LRRC7: variants seen among roughly 807,000 people sequenced by gnomAD.
The protein encoded by LRRC7 is leucine rich repeat containing 7, also known as leucine-rich repeat-containing protein 7.
Under a neutral mutation model 175.7 loss-of-function variants are expected in LRRC7, and 23 were observed. The observed-to-expected ratio is 0.13, with a 90% CI of 0.09 to 0.19. LRRC7 has a LOEUF of 0.19. Ranked by LOEUF, LRRC7 falls within the 10% of genes least tolerant of loss-of-function variation. The probability of loss-of-function intolerance (pLI) is 1.00; values close to 1 mark genes in which losing one functional copy is unlikely to be tolerated. For missense variants in LRRC7, 1,354 were observed against 1,904.7 expected, an observed-to-expected ratio of 0.71 and a Z score of 5.38; for synonymous variants, 685 against 680.9, an observed-to-expected ratio of 1.01 and a Z score of -0.09.
chr1:69,866,431 G>T (rs1684955716), intron 7 of LRRC7, among the ~76,000 whole-genome samples: 1 of 152,014 alleles, frequency 6.6e-6, no homozygotes, highest in Non-Finnish European at 1.5e-5. Flanking sequence ...GTGATGAAAG[G>T]GTATATCGTT....
chr1:69,679,487 G>A (rs539013945), intron 2 of LRRC7, among the ~76,000 whole-genome samples: 93 of 152,136 alleles, frequency 6.1e-4, no homozygotes, highest in African/African-American at 2.2e-3. Context: ...TAACCTTACT[G>A]AGCTGACATA....
chr1:69,834,460 G>A (rs1470283194), intron 5 of LRRC7, among the ~76,000 whole-genome samples: 1 of 152,126 alleles, frequency 6.6e-6, no homozygotes, highest in Non-Finnish European at 1.5e-5. Context: ...CAAACAACTT[G>A]AGATTTCCAT....
At chr1:69,972,203 A>G (rs1652306626) in intron 8 of LRRC7, among the ~76,000 whole-genome samples, 1 of 152,242 alleles carries the variant, frequency 6.6e-6, no homozygotes. Context: ...CCTTCTAGAT[A>G]TTGGCTTAGG....
At chr1:69,644,275 C>A (rs557710522) in intron 1 of LRRC7, among the ~76,000 whole-genome samples, 1 of 151,990 alleles carries the variant, frequency 6.6e-6, no homozygotes, top group African/African-American at 2.4e-5. Flanking sequence ...AGTATGGTGG[C>A]ATATTTTTGT....
intron 2 of LRRC7, among the ~76,000 whole-genome samples, chr1:69,683,737 A>G (rs1168561133): frequency 2.0e-5 from 3 of 152,164 alleles, no homozygotes; most frequent in African/African-American, 4.8e-5. Flanking sequence ...AACAATGTGG[A>G]AAAACTTTTT....
At chr1:69,915,042 A>G (rs1449844973) in intron 7 of LRRC7, among the ~76,000 whole-genome samples, 1 of 152,202 alleles carries the variant, frequency 6.6e-6, no homozygotes, top group Non-Finnish European at 1.5e-5. Context: ...AAAGAGATGA[A>G]GATCCTGTGT....
intron 2 of LRRC7, among the ~76,000 whole-genome samples, chr1:69,734,161 G>C (rs898443891): frequency 6.6e-6 from 1 of 151,736 alleles, no homozygotes; most frequent in African/African-American, 2.4e-5. Flanking sequence ...GCAAAACACA[G>C]ACATTACAGA....
At chr1:69,843,471 G>A (rs546016665) in intron 7 of LRRC7, among the ~76,000 whole-genome samples, 116 of 152,000 alleles carry the variant, frequency 7.6e-4, no homozygotes, top group Non-Finnish European at 1.1e-3. Flanking sequence ...AAAATTTTCC[G>A]AAGTACAAGC....
chr1:69,911,822 C>T (rs72943277), intron 7 of LRRC7, among the ~76,000 whole-genome samples: 3,542 of 151,922 alleles, frequency 0.023, 162 homozygotes, highest in African/African-American at 0.082. Flanking sequence ...AGCTTAGTCA[C>T]GGAGTTATGC....
intron 1 of LRRC7, among the ~76,000 whole-genome samples, chr1:69,637,080 T>TCTCTCACTCTCTCTC (rs1553130024): frequency 6.7e-6 from 1 of 148,586 alleles, no homozygotes; most frequent in Admixed American, 6.8e-5. Context: ...CCTTCTCTCT[T>TCTCTCACTCTCTCTC]TCTCTCTCTC....
intron 14 of LRRC7, among the ~76,000 whole-genome samples, chr1:70,018,354 A>G (rs1657144172): frequency 1.3e-5 from 2 of 152,004 alleles, no homozygotes; most frequent in South Asian, 4.1e-4. Context: ...AGCAAATTCC[A>G]TTTGTCTTTC....
intron 8 of LRRC7, among the ~76,000 whole-genome samples, chr1:69,970,968 G>T (rs1466684867): frequency 2.0e-5 from 3 of 152,128 alleles, no homozygotes; most frequent in Non-Finnish European, 2.9e-5. Context: ...TGCAGGGATG[G>T]TTTAACATAC....
chr1:69,715,802 A>G (rs1665279180), intron 2 of LRRC7, among the ~76,000 whole-genome samples: 2 of 152,018 alleles, frequency 1.3e-5, no homozygotes, highest in African/African-American at 4.8e-5. Context: ...GGAAAAATAC[A>G]TTTTACATTT....
At chr1:69,684,155 A>G (rs1660831187) in intron 2 of LRRC7, among the ~76,000 whole-genome samples, 1 of 152,220 alleles carries the variant, frequency 6.6e-6, no homozygotes, top group Non-Finnish European at 1.5e-5. Context: ...ATACATACAG[A>G]CAGATATTTT....
rs973004816 is a variant in LRRC7, at chr1:69,924,778, G to A, written c.648-6729G>A. ...AATTTGACTTCCTCTTTTCCTAATT[G>A]GATACCCTTTATTTCTTTCTCATGC... is the stretch of plus-strand genomic sequence containing the variant. On this transcript the variant is annotated intron_variant, in intron 7 of 26. Coordinates refer to ENST00000651989, the MANE Select transcript of LRRC7 (RefSeq NM_001370785.2). 1.3e-4 allele frequency among the ~76,000 whole-genome samples: 20 copies of A among 152,196 alleles called. No individual in the cohort carries two copies. The East Asian group carries it at 2.9e-3, about 22-fold the overall frequency.
chr1:69,697,759 T>C (rs969242644), intron 2 of LRRC7, among the ~76,000 whole-genome samples: 1 of 152,202 alleles, frequency 6.6e-6, no homozygotes, highest in Non-Finnish European at 1.5e-5. Flanking sequence ...CCAGGTGTTA[T>C]TTGAGTCACC....
intron 3 of LRRC7, among the ~76,000 whole-genome samples, chr1:69,791,200 T>C (rs1175657481): frequency 1.3e-5 from 2 of 152,024 alleles, no homozygotes; most frequent in South Asian, 4.1e-4. Context: ...GGAGTCAAGA[T>C]GAATTGGACA....
intron 8 of LRRC7, among the ~76,000 whole-genome samples, chr1:69,968,224 G>A (rs906094867): frequency 7.9e-5 from 12 of 151,910 alleles, no homozygotes; most frequent in African/African-American, 2.9e-4. Context: ...CAAAGACAAG[G>A]TTTTCCAGTT....
chr1:69,787,017 T>C (rs892900550), intron 3 of LRRC7, among the ~76,000 whole-genome samples: 1 of 152,228 alleles, frequency 6.6e-6, no homozygotes, highest in Non-Finnish European at 1.5e-5. Context: ...AGTTAGTTAC[T>C]TCCTAGATAC....
Sources: allele counts gnomAD v4.1 joint callset (sites outside exome capture counted in the v4.1 genomes callset), GRCh38; gene constraint gnomAD v4.1.1; transcripts MANE v1.5; gene names NCBI Gene and HGNC (gene_info 2026-07-23, HGNC 2026-07-21).